The following PTPRN2 variants were observed in gnomAD, a reference collection of about 807,000 sequenced individuals.
PTPRN2 encodes receptor-type tyrosine-protein phosphatase N2.
PTPRN2 carries 74 observed loss-of-function variants against 118.8 expected under a neutral mutation model. The observed-to-expected ratio is 0.62, with a 90% CI of 0.52 to 0.76. The LOEUF (loss-of-function observed/expected upper bound fraction) is 0.76. PTPRN2 is among the 30% of genes least tolerant of loss of function. The probability of loss-of-function intolerance (pLI) is 0.00; values close to 1 mark genes in which losing one functional copy is unlikely to be tolerated. For missense variants in PTPRN2, 1,481 were observed against 1,394.4 expected (o/e 1.06, Z -0.99); for synonymous variants, 641 against 608.0 (o/e 1.05, Z -0.80).
At chr7:157,726,945 C>T (rs1799637341) in intron 12 of PTPRN2, among the ~76,000 whole-genome samples, 1 of 152,214 alleles carries the variant, frequency 6.6e-6, no homozygotes, top group African/African-American at 2.4e-5. Flanking sequence ...CATGATTCCT[C>T]AGTGCAATTC....
At chr7:157,879,317 T>C (rs1007419084) in intron 12 of PTPRN2, among the ~76,000 whole-genome samples, 1 of 152,174 alleles carries the variant, frequency 6.6e-6, no homozygotes, top group Non-Finnish European at 1.5e-5. Context: ...ACAGCCTCCA[T>C]GAGAACAGCA....
intron 12 of PTPRN2, among the ~76,000 whole-genome samples, chr7:157,776,824 TCTCCTCCCTCTCTTC>T (rs1328997980): frequency 0.27 from 1,945 of 7,202 alleles, 115 homozygotes; most frequent in Middle Eastern, 0.5. Flanking sequence ...TCCTCCTCCC[TCTCCTCCCTCTCTTC>T]CTCCTCCCTC....
At chr7:158,132,841 TACAC>T (rs144989357) in intron 9 of PTPRN2, among the ~76,000 whole-genome samples, 7 of 146,070 alleles carry the variant, frequency 4.8e-5, no homozygotes, top group Admixed American at 6.8e-5. Flanking sequence ...TACACACTCA[TACAC>T]ACACACACCT....
rs1053756568 is a variant in PTPRN2, at chr7:158,562,122, G to A, written c.112+25436C>T. Among the ~76,000 whole-genome samples, 3 of 152,200 alleles carry A rather than the reference G, an allele frequency of 2.0e-5. 1 individual carries two copies. The highest frequency in any genetic ancestry group is 2.0e-4 in the Admixed American group (3 of 15,290). ...GTAACAGAATGCCACAGGTCGGGTG[G>A]CCTGGAAACAACAGACCTTGATTTC... is the stretch of plus-strand genomic sequence containing the variant. On this transcript the variant is annotated intron_variant, in intron 1 of 22. Coordinates refer to ENST00000389418, the MANE Select transcript of PTPRN2 (RefSeq NM_002847.5).
chr7:158,114,760 A>G (rs1395154090), intron 9 of PTPRN2, among the ~76,000 whole-genome samples: 1 of 152,202 alleles, frequency 6.6e-6, no homozygotes, highest in African/African-American at 2.4e-5. Context: ...AGGGAGCCCC[A>G]GAAGGGTCCC....
chr7:158,499,031 C>G (rs1320719680), intron 1 of PTPRN2, among the ~76,000 whole-genome samples: 2 of 152,176 alleles, frequency 1.3e-5, no homozygotes, highest in Non-Finnish European at 2.9e-5. Context: ...ACTGGGCTGA[C>G]TTAGTTGTAG....
chr7:158,315,374 C>T (rs1245498388), intron 3 of PTPRN2, among the ~76,000 whole-genome samples: 3 of 150,696 alleles, frequency 2.0e-5, no homozygotes, highest in East Asian at 3.9e-4. Flanking sequence ...GAGGTGAACC[C>T]GGGACCCCTT....
chr7:157,770,688 T>C (rs1792728378), intron 12 of PTPRN2, among the ~76,000 whole-genome samples: 2 of 152,208 alleles, frequency 1.3e-5, no homozygotes, highest in Admixed American at 1.3e-4. Context: ...AATACATCCC[T>C]CCAGCTCGGG....
At chr7:158,091,660 A>G (rs971633592) in intron 10 of PTPRN2, among the ~76,000 whole-genome samples, 3 of 144,310 alleles carry the variant, frequency 2.1e-5, no homozygotes, top group Non-Finnish European at 3.0e-5. Flanking sequence ...ATGGATGGGT[A>G]GAGAGATGGT....
At chr7:158,486,179 G>A (rs1821006332) in intron 2 of PTPRN2, among the ~76,000 whole-genome samples, 1 of 152,176 alleles carries the variant, frequency 6.6e-6, no homozygotes, top group Admixed American at 6.5e-5. Context: ...CCGGGTCACG[G>A]GCCACCTCCC....
At position 157,591,237 on chromosome 7, in the gene PTPRN2, C is replaced by T. The variant is rs1019659535; in HGVS notation, c.2496+4001G>A. ...GCAGACACGGCCATCTTTCCCATCA[C>T]GGCCTTTCTCACGCTCACACTTTCT... On this transcript the variant is annotated intron_variant, in intron 17 of 22. Transcript: ENST00000389418. This position sits in a 1 kb window ranked among gnomAD's most constrained non-coding sequence, Gnocchi z 4.4. Among the ~76,000 whole-genome samples, 8 of 152,200 alleles carry T rather than the reference C, an allele frequency of 5.3e-5. No homozygotes were observed. Among genetic ancestry groups the T allele is most frequent in the Non-Finnish European group, 1.0e-4 (7 of 68,040 alleles).
rs1450233343 is a variant in PTPRN2 at position 158,526,041 on chromosome 7, T to C, written c.113-36256A>G. On this transcript the variant is annotated intron_variant, in intron 1 of 22. Coordinates refer to ENST00000389418, the MANE Select transcript of PTPRN2 (RefSeq NM_002847.5). This position sits in a 1 kb window ranked among gnomAD's most constrained non-coding sequence, Gnocchi z 5.2. ...CCCCTACTCTCCCCTCTGGCTGGCA[T>C]TGTGCAGTCCTTCCTTCCTCAGCAG... Among the ~76,000 whole-genome samples, 2 of 152,166 alleles carry C rather than the reference T, an allele frequency of 1.3e-5. No homozygotes were observed. Among genetic ancestry groups the C allele is most frequent in the African/African-American group, 2.4e-5 (1 of 41,456 alleles).
At chr7:158,351,556 G>A (rs1054828981) in intron 2 of PTPRN2, among the ~76,000 whole-genome samples, 4 of 152,150 alleles carry the variant, frequency 2.6e-5, no homozygotes, top group Non-Finnish European at 2.9e-5. Flanking sequence ...TTAGCCCCGC[G>A]TTTCTTACTA....
rs559420665 is a variant in PTPRN2 at position 158,316,718 on chromosome 7, G to T, written c.277+101C>A. On this transcript the variant is annotated intron_variant, in intron 3 of 22. Transcript: ENST00000389418. ...TGCCCCTTCCACCACCACACTCGTG[G>T]ATTCAGTCCGTCCCAGCTCCTCACC... The T allele has an allele frequency of 5.9e-6, 5 of 844,816 alleles. No individual in the cohort carries two copies. In the East Asian group the frequency reaches 1.4e-4, roughly 23 times the overall value. 52.3% of individuals were successfully genotyped at this position (844,816 alleles called of 1,614,324 possible).
rs149156440 is a variant in PTPRN2 at position 157,881,268 on chromosome 7, G to T, written c.1788+17405C>A. Among the ~76,000 whole-genome samples the T allele has an allele frequency of 2.6e-5, 4 of 152,014 alleles. No individual in the cohort carries two copies. Among genetic ancestry groups the T allele is most frequent in the Non-Finnish European group, 4.4e-5 (3 of 67,982 alleles). On this transcript the variant is annotated intron_variant, in intron 12 of 22. Transcript: ENST00000389418. The surrounding 1 kb of genome is among the most constrained non-coding windows in gnomAD (Gnocchi z 4.7). Reference sequence around the variant, plus strand: ...GTCATGATGGTATGTGGAGATGGGGGTGTTTACAGGAGTCATTACAGTAAA... The same window carrying T: ...GTCATGATGGTATGTGGAGATGGGGTTGTTTACAGGAGTCATTACAGTAAA...
At chr7:157,778,473 G>A (rs1313836503) in intron 12 of PTPRN2, among the ~76,000 whole-genome samples, 21 of 150,684 alleles carry the variant, frequency 1.4e-4, no homozygotes, top group African/African-American at 2.7e-4. Context: ...ACAGGTGTTG[G>A]GTGCCCATGT....
intron 2 of PTPRN2, among the ~76,000 whole-genome samples, chr7:158,426,024 AG>A (rs1306092550): frequency 2.7e-3 from 73 of 27,460 alleles, no homozygotes; most frequent in East Asian, 5.6e-3. Context: ...GTCCGAGACC[AG>A]CCTAGCTGGG....
Position 157,609,739 on chromosome 7 carries a change from G to A in PTPRN2, c.2345-5664C>T, listed in dbSNP as rs1802221259. Among the ~76,000 whole-genome samples the A allele has an allele frequency of 6.6e-6, 1 of 152,232 alleles. No individual in the cohort carries two copies. The highest frequency in any genetic ancestry group is 2.4e-5 in the African/African-American group (1 of 41,462). On this transcript the variant is annotated intron_variant, in intron 15 of 22. Coordinates refer to ENST00000389418, the MANE Select transcript of PTPRN2 (RefSeq NM_002847.5). This position sits in a 1 kb window ranked among gnomAD's most constrained non-coding sequence, Gnocchi z 4.9. ...AATGGCACGCAGCAAGCAATGAGGA[G>A]CAAGGCTGAGATGACGGTGGACACG...
intron 1 of PTPRN2, among the ~76,000 whole-genome samples, chr7:158,586,874 G>A (rs892285015): frequency 6.6e-6 from 1 of 152,166 alleles, no homozygotes; most frequent in African/African-American, 2.4e-5. Context: ...CCAGGGCCGC[G>A]CGCTCCAGGG....
Sources: gnomAD v4.1 joint callset for allele counts (sites outside exome capture counted in the v4.1 genomes callset) on GRCh38, gnomAD v4.1.1 for gene constraint, Gnocchi (gnomAD v3.1) non-coding constraint, MANE v1.5 for transcripts, NCBI Gene and HGNC (gene_info 2026-07-23, HGNC 2026-07-21) for gene names.